The following TFEC variants were observed in gnomAD, a reference collection of about 807,000 sequenced individuals.
TFEC encodes the protein transcription factor EC.
TFEC carries 31 observed loss-of-function variants against 41.6 expected under a neutral mutation model. The observed-to-expected ratio is 0.74, with a 90% CI of 0.56 to 1.01. TFEC has a LOEUF of 1.01. Among genes scored for constraint, TFEC ranks in the 50% least tolerant of loss-of-function variants. TFEC has a pLI of 0.00. For synonymous variants in TFEC, 143 were observed against 140.6 expected (o/e 1.02, Z -0.12); for missense variants, 402 against 404.1 (o/e 0.99, Z 0.04).
At chr7:116,068,800 T>C (rs1350120058) in intron 3 of TFEC, among the ~76,000 whole-genome samples, 1 of 151,630 alleles carries the variant, frequency 6.6e-6, no homozygotes, top group African/African-American at 2.4e-5. Context: ...TTTTAATTCA[T>C]ATGTAAGCTG....
intron 1 of TFEC, among the ~76,000 whole-genome samples, chr7:115,992,224 T>C (rs1794152579): frequency 6.6e-6 from 1 of 152,198 alleles, no homozygotes; most frequent in African/African-American, 2.4e-5. Flanking sequence ...GAGGGAAATT[T>C]ATAGCACTAA....
intron 6 of TFEC, among the ~76,000 whole-genome samples, chr7:115,943,866 A>G (rs1308286570): frequency 6.6e-6 from 1 of 151,384 alleles, no homozygotes; most frequent in African/African-American, 2.4e-5. Context: ...AAATGTATAA[A>G]TTGGAGTAAG....
chr7:116,098,632 T>C (rs1797527196), intron 3 of TFEC, among the ~76,000 whole-genome samples: 1 of 152,152 alleles, frequency 6.6e-6, no homozygotes, highest in African/African-American at 2.4e-5. Flanking sequence ...GCGATTTTAA[T>C]ACCCTATAAC....
chr7:116,130,321 A>G (rs1251507657), intron 1 of TFEC, among the ~76,000 whole-genome samples: 1 of 152,232 alleles, frequency 6.6e-6, no homozygotes, highest in Non-Finnish European at 1.5e-5. Context: ...GTTATCCTCA[A>G]CGTGCTCTTT....
In TFEC at chr7:115,946,284, T is replaced by C. The variant is rs567281993; in HGVS notation, c.516-4244A>G. On this transcript the variant is annotated intron_variant, in intron 6 of 7. Coordinates refer to ENST00000265440, the MANE Select transcript of TFEC (RefSeq NM_012252.4). ...CCCTAAATGTCTTCACAATCTAGTA[T>C]GTACATAAGGACAAATATTGCATTC... Among the ~76,000 whole-genome samples, 3 of 151,354 alleles carry C rather than the reference T, an allele frequency of 2.0e-5. No individual in the cohort carries two copies. The South Asian group carries it at 6.6e-4, about 33-fold the overall frequency.
At chr7:116,050,352 C>T (rs1357601621) in intron 3 of TFEC, among the ~76,000 whole-genome samples, 2 of 152,184 alleles carry the variant, frequency 1.3e-5, no homozygotes, top group African/African-American at 2.4e-5. Flanking sequence ...ATACTATAAA[C>T]ACCTCTATGC....
chr7:116,148,900 C>T (rs1306446136), intron 1 of TFEC, among the ~76,000 whole-genome samples: 1 of 142,386 alleles, frequency 7.0e-6, no homozygotes, highest in Non-Finnish European at 1.5e-5. Context: ...ACTGTAGATA[C>T]AGAAAAAAAA....
At chr7:116,119,672 G>A (rs895757067) in intron 1 of TFEC, among the ~76,000 whole-genome samples, 10 of 151,760 alleles carry the variant, frequency 6.6e-5, no homozygotes, top group Non-Finnish European at 1.2e-4. Flanking sequence ...ACTATTCACC[G>A]ATAATATAAA....
intron 3 of TFEC, chr7:116,110,600 T>C (rs1797831245): frequency 1.2e-6 from 1 of 809,350 alleles, no homozygotes; most frequent in Admixed American, 4.3e-5. Context: ...GTTTTTATTC[T>C]TGTTTTTTTC....
intron 1 of TFEC, among the ~76,000 whole-genome samples, chr7:116,139,059 G>C (rs1798488812): frequency 6.6e-6 from 1 of 152,080 alleles, no homozygotes; most frequent in South Asian, 2.1e-4. Flanking sequence ...ACTCTCTGGG[G>C]TTGCCGTGGC....
intron 1 of TFEC, among the ~76,000 whole-genome samples, chr7:116,016,002 A>G (rs1795175000): frequency 1.3e-5 from 2 of 152,194 alleles, no homozygotes; most frequent in African/African-American, 4.8e-5. Flanking sequence ...TTAGAAGGAC[A>G]GAATGTTAAG....
intron 1 of TFEC, among the ~76,000 whole-genome samples, chr7:115,996,187 T>C (rs761045660): frequency 2.6e-5 from 4 of 152,000 alleles, no homozygotes; most frequent in Non-Finnish European, 4.4e-5. Flanking sequence ...TTCCTTATGC[T>C]TGAGGAGGGG....
At chr7:116,009,651 C>T (rs1403009631) in intron 1 of TFEC, among the ~76,000 whole-genome samples, 1 of 151,792 alleles carries the variant, frequency 6.6e-6, no homozygotes, top group Non-Finnish European at 1.5e-5. Context: ...TGTCATAAAA[C>T]CAAGCAGAAA....
chr7:116,133,541 A>C (rs1798376525), intron 1 of TFEC, among the ~76,000 whole-genome samples: 1 of 152,032 alleles, frequency 6.6e-6, no homozygotes, highest in South Asian at 2.1e-4. Flanking sequence ...GTCTCAGAAA[A>C]AAAAAAAAAA....
At chr7:115,960,510 T>G (rs1252923803) in intron 3 of TFEC, among the ~76,000 whole-genome samples, 1 of 151,582 alleles carries the variant, frequency 6.6e-6, no homozygotes, top group Non-Finnish European at 1.5e-5. Flanking sequence ...GGATCCAAGA[T>G]CAAAGATTGA....
chr7:116,081,949 G>T (rs1797100467), intron 3 of TFEC, among the ~76,000 whole-genome samples: 1 of 151,896 alleles, frequency 6.6e-6, no homozygotes, highest in African/African-American at 2.4e-5. Flanking sequence ...CAATCTTCCA[G>T]GAGGTCCTTC....
At chr7:116,036,517 C>A (rs1795913721) in intron 3 of TFEC, among the ~76,000 whole-genome samples, 1 of 152,046 alleles carries the variant, frequency 6.6e-6, no homozygotes. Context: ...GTGAATTGGT[C>A]TTGTCACATA....
At chr7:116,029,345 T>A (rs1281323131) in intron 1 of TFEC, among the ~76,000 whole-genome samples, 2 of 152,156 alleles carry the variant, frequency 1.3e-5, no homozygotes, top group African/African-American at 2.4e-5. Flanking sequence ...TAACATAAAT[T>A]TAAAAGATAC....
chr7:116,082,216 C>T (rs898156201), intron 3 of TFEC, among the ~76,000 whole-genome samples: 7 of 151,900 alleles, frequency 4.6e-5, no homozygotes, highest in African/African-American at 7.2e-5. Flanking sequence ...TGTGTACATA[C>T]GTATCTGCTA....
Sources: gnomAD v4.1 joint callset for allele counts (sites outside exome capture counted in the v4.1 genomes callset) on GRCh38, gnomAD v4.1.1 for gene constraint, MANE v1.5 for transcripts, NCBI Gene and HGNC (gene_info 2026-07-23, HGNC 2026-07-21) for gene names.